INPP4B: variants seen among roughly 807,000 people sequenced by gnomAD.
INPP4B encodes inositol polyphosphate-4-phosphatase type II B.
A neutral mutation model predicts 122.5 loss-of-function variants in INPP4B; 55 were observed. The observed-to-expected ratio is 0.45, with a 90% confidence interval of 0.36 to 0.56. The LOEUF is 0.56. Ranked by LOEUF, INPP4B falls within the 20% of genes least tolerant of loss-of-function variation. INPP4B has a pLI of 0.00. For synonymous variants in INPP4B, 403 were observed against 388.7 expected (o/e 1.04, Z -0.43); for missense variants, 1,000 against 1,097.7 (o/e 0.91, Z 1.26).
chr4:142,641,116 A>C (rs186421511), intron 2 of INPP4B, among the ~76,000 whole-genome samples: 1 of 152,176 alleles, frequency 6.6e-6, no homozygotes, highest in South Asian at 2.1e-4. Context: ...CCCAAGAGAC[A>C]TGCACAAGAA....
intron 25 of INPP4B, among the ~76,000 whole-genome samples, chr4:142,053,676 A>G (rs184718607): frequency 7.4e-4 from 113 of 152,174 alleles, no homozygotes; most frequent in African/African-American, 2.6e-3. Context: ...ATTTTTCTCC[A>G]AGAAACCATG....
chr4:142,157,869 T>G (rs570925503), intron 17 of INPP4B, among the ~76,000 whole-genome samples: 1 of 152,144 alleles, frequency 6.6e-6, no homozygotes, highest in African/African-American at 2.4e-5. Context: ...CCTCCAGTCC[T>G]CCCCGTCTTT....
chr4:142,523,655 A>AT (rs890059220), intron 2 of INPP4B, among the ~76,000 whole-genome samples: 44 of 151,732 alleles, frequency 2.9e-4, no homozygotes, highest in African/African-American at 1.0e-3. Context: ...AGTATGTATT[A>AT]TTTTTTCTTT....
intron 16 of INPP4B, among the ~76,000 whole-genome samples, chr4:142,163,790 G>T (rs1396386748): frequency 6.6e-6 from 1 of 151,660 alleles, no homozygotes; most frequent in African/African-American, 2.4e-5. Context: ...TCTTGCAACT[G>T]GGACGATACT....
intron 2 of INPP4B, among the ~76,000 whole-genome samples, chr4:142,579,940 C>T (rs1734715734): frequency 2.0e-5 from 3 of 148,268 alleles, no homozygotes; most frequent in Non-Finnish European, 4.5e-5. Context: ...GATAGATATC[C>T]TATTGCTTCT....
chr4:142,281,913 A>G (rs887400707), intron 9 of INPP4B, among the ~76,000 whole-genome samples: 3 of 152,090 alleles, frequency 2.0e-5, no homozygotes, highest in African/African-American at 7.2e-5. Context: ...AAAGATGTAA[A>G]ATTAAGGTCA....
intron 3 of INPP4B, among the ~76,000 whole-genome samples, chr4:142,437,369 G>A (rs184232190): frequency 6.6e-6 from 1 of 152,190 alleles, no homozygotes; most frequent in Non-Finnish European, 1.5e-5. Context: ...CCCCAACCTA[G>A]AAAGACAGGC....
At chr4:142,533,635 G>A (rs887754582) in intron 2 of INPP4B, among the ~76,000 whole-genome samples, 3 of 152,004 alleles carry the variant, frequency 2.0e-5, no homozygotes, top group African/African-American at 7.2e-5. Flanking sequence ...AAAACAGTTC[G>A]AGATTCAGGA....
At chr4:142,783,359 T>G (rs1775201021) in intron 1 of INPP4B, among the ~76,000 whole-genome samples, 1 of 152,026 alleles carries the variant, frequency 6.6e-6, no homozygotes, top group African/African-American at 2.4e-5. Flanking sequence ...GCAAAGGACA[T>G]GAACAGACAC....
chr4:142,830,363 G>A (rs1415695312), intron 1 of INPP4B, among the ~76,000 whole-genome samples: 1 of 152,110 alleles, frequency 6.6e-6, no homozygotes, highest in Non-Finnish European at 1.5e-5. Flanking sequence ...CTCTTTTAGT[G>A]ACCTTGACAA....
intron 2 of INPP4B, among the ~76,000 whole-genome samples, chr4:142,675,124 A>G (rs1051018105): frequency 4.0e-5 from 6 of 151,154 alleles, no homozygotes; most frequent in African/African-American, 1.5e-4. Flanking sequence ...ACTAATAAAG[A>G]AGAGAAGAAT....
chr4:142,466,784 G>A (rs1392872614), intron 2 of INPP4B, among the ~76,000 whole-genome samples: 1 of 152,154 alleles, frequency 6.6e-6, no homozygotes, highest in Non-Finnish European at 1.5e-5. Context: ...AGTTTCAGGG[G>A]CCAGGTTCAG....
intron 25 of INPP4B, among the ~76,000 whole-genome samples, chr4:142,072,457 C>CTAACCTGCA (rs2152490679): frequency 6.6e-6 from 1 of 151,000 alleles, no homozygotes; most frequent in South Asian, 2.1e-4. Context: ...TGCACATGTA[C>CTAACCTGCA]CCCAGAACTT....
intron 21 of INPP4B, among the ~76,000 whole-genome samples, chr4:142,117,113 A>G (rs1165015504): frequency 6.6e-6 from 1 of 152,186 alleles, no homozygotes; most frequent in Non-Finnish European, 1.5e-5. Context: ...CTAAACGAGG[A>G]AGAAGTTGAA....
intron 1 of INPP4B, among the ~76,000 whole-genome samples, chr4:142,745,759 A>G (rs568459848): frequency 8.2e-4 from 125 of 152,130 alleles, no homozygotes; most frequent in African/African-American, 2.9e-3. Context: ...AACAGGAATC[A>G]TAAGAAAGCT....
intron 1 of INPP4B, among the ~76,000 whole-genome samples, chr4:142,749,641 G>A (rs1769343235): frequency 6.6e-6 from 1 of 151,900 alleles, no homozygotes; most frequent in Non-Finnish European, 1.5e-5. Flanking sequence ...CCACCTTGCT[G>A]TATAAGATAA....
At chr4:142,678,529 C>T (rs753584775) in intron 2 of INPP4B, among the ~76,000 whole-genome samples, 1 of 151,732 alleles carries the variant, frequency 6.6e-6, no homozygotes, top group Non-Finnish European at 1.5e-5. Context: ...ACTAGGTATC[C>T]CTTAGGTTTA....
chr4:142,335,108 G>GAAAA (rs36074851), intron 7 of INPP4B, among the ~76,000 whole-genome samples: 1,009 of 65,132 alleles, frequency 0.015, 54 homozygotes, highest in African/African-American at 0.065. Context: ...TGGGAAAAAT[G>GAAAA]AAAAAAAAAA....
At chr4:142,529,251 T>C (rs1827299846) in intron 2 of INPP4B, among the ~76,000 whole-genome samples, 1 of 152,094 alleles carries the variant, frequency 6.6e-6, no homozygotes, top group Admixed American at 6.6e-5. Context: ...GCTATTAACC[T>C]TTGGGAAACT....
Sources: gnomAD v4.1 joint callset for allele counts (sites outside exome capture counted in the v4.1 genomes callset) on GRCh38, gnomAD v4.1.1 for gene constraint, MANE v1.5 for transcripts, NCBI Gene and HGNC (gene_info 2026-07-23, HGNC 2026-07-21) for gene names.